The following FILIP1 variants were observed in gnomAD, a reference collection of about 807,000 sequenced individuals.
FILIP1 encodes the protein filamin A interacting protein 1.
FILIP1 carries 61 observed loss-of-function variants against 102.1 expected under a neutral mutation model. The observed-to-expected ratio is 0.60, with a 90% confidence interval of 0.49 to 0.74. The LOEUF (loss-of-function observed/expected upper bound fraction) is 0.74, where lower values mean the gene tolerates loss of function less well. Ranked by LOEUF, FILIP1 falls within the 30% of genes least tolerant of loss-of-function variation. The pLI is 0.00. For missense variants in FILIP1, 1,314 were observed against 1,441.2 expected (o/e 0.91, Z 1.43); for synonymous variants, 491 against 526.9 (o/e 0.93, Z 0.93).
chr6:75,460,546 CA>C (rs1216688193), intron 1 of FILIP1, among the ~76,000 whole-genome samples: 5 of 151,988 alleles, frequency 3.3e-5, no homozygotes, highest in African/African-American at 1.2e-4. Flanking sequence ...AATTATTTTA[CA>C]AAGTAGATAT....
At chr6:75,413,676 A>T (rs1777153958) in intron 2 of FILIP1, among the ~76,000 whole-genome samples, 1 of 151,946 alleles carries the variant, frequency 6.6e-6, no homozygotes, top group East Asian at 1.9e-4. Flanking sequence ...TAAAGTAATT[A>T]TTTTTGCACC....
At chr6:75,465,980 C>T (rs974278486) in intron 1 of FILIP1, among the ~76,000 whole-genome samples, 3 of 152,118 alleles carry the variant, frequency 2.0e-5, no homozygotes, top group Admixed American at 6.6e-5. Flanking sequence ...CGCTGTTCCT[C>T]GAACTGCCAA....
At chr6:75,464,408 GA>G (rs1779108927) in intron 1 of FILIP1, among the ~76,000 whole-genome samples, 2 of 152,310 alleles carry the variant, frequency 1.3e-5, no homozygotes, top group South Asian at 4.1e-4. Context: ...AGTGCTTTGT[GA>G]AAATCACAGA....
chr6:75,322,311 G>T (rs560445944), intron 4 of FILIP1, among the ~76,000 whole-genome samples: 1 of 151,868 alleles, frequency 6.6e-6, no homozygotes, highest in African/African-American at 2.4e-5. Context: ...GTGTAATTAT[G>T]CTATTTAAGA....
chr6:75,295,049 T>G (rs1488906572), exon 7 of FILIP1: 8 of 151,944 alleles, frequency 5.3e-5, no homozygotes, highest in Non-Finnish European at 1.5e-5. Flanking sequence ...TGTTTTTATA[T>G]TCAAGTTTTG....
intron 3 of FILIP1, 38 bp downstream of exon 3, chr6:75,362,706 G>T: frequency 1.3e-6 from 2 of 1,590,328 alleles, no homozygotes; most frequent in Non-Finnish European, 1.7e-6. Flanking sequence ...TCTCCCTGAG[G>T]TTCCCATCCA....
chr6:75,338,690 T>A (rs1009517344), intron 4 of FILIP1, among the ~76,000 whole-genome samples: 2 of 152,254 alleles, frequency 1.3e-5, no homozygotes, highest in African/African-American at 2.4e-5. Context: ...TTATTTATTG[T>A]GATGACAAAT....
At chr6:75,311,786 C>T (rs113289134) in intron 5 of FILIP1, among the ~76,000 whole-genome samples, 3,871 of 152,286 alleles carry the variant, frequency 0.025, 186 homozygotes, top group African/African-American at 0.088. Context: ...CATGAGCCAC[C>T]GCACCCAGCC....
At chr6:75,326,597 C>T (rs1773872720) in intron 4 of FILIP1, among the ~76,000 whole-genome samples, 1 of 152,122 alleles carries the variant, frequency 6.6e-6, no homozygotes, top group Admixed American at 6.5e-5. Context: ...GGAAAGGTCT[C>T]CTAGGTAGTG....
At chr6:75,358,092 A>C (rs1461505115) in intron 3 of FILIP1, among the ~76,000 whole-genome samples, 2 of 152,228 alleles carry the variant, frequency 1.3e-5, no homozygotes, top group African/African-American at 4.8e-5. Context: ...AAATTTACTA[A>C]GGAAAGAGTG....
chr6:75,445,657 CACATCATAGCCA>C lies in FILIP1; in HGVS notation c.-6-30691_-6-30680del, dbSNP rs543787073. 5.9e-3 allele frequency among the ~76,000 whole-genome samples: 900 copies of C among 151,954 alleles called. 9 individuals carry two copies. Among genetic ancestry groups the C allele is most frequent in the African/African-American group, 0.021 (854 of 41,442 alleles). On this transcript the variant is annotated intron_variant, in intron 1 of 5. Coordinates refer to ENST00000237172, the MANE Select transcript of FILIP1 (RefSeq NM_015687.5). ...ACTCCCAGCACCTACTACATCCTAG[CACATCATAGCCA>C]ACACAATATCTACTAAATATTGAAT... is the stretch of plus-strand genomic sequence containing the variant.
intron 2 of FILIP1, among the ~76,000 whole-genome samples, chr6:75,413,720 G>A (rs1000669853): frequency 1.1e-4 from 17 of 150,120 alleles, no homozygotes; most frequent in African/African-American, 4.2e-4. Context: ...GCTCATGCAA[G>A]CTAAGAAACT....
At chr6:75,396,966 G>A (rs1273354852) in intron 2 of FILIP1, among the ~76,000 whole-genome samples, 3 of 136,886 alleles carry the variant, frequency 2.2e-5, no homozygotes, top group Non-Finnish European at 3.0e-5. Context: ...ATTGAGCAAC[G>A]AAAACACATG....
intron 4 of FILIP1, among the ~76,000 whole-genome samples, chr6:75,346,374 G>A (rs1172697505): frequency 6.6e-6 from 1 of 152,172 alleles, no homozygotes. Context: ...ATCAGAGGCT[G>A]TTAGCTCATT....
In FILIP1 at chr6:75,313,908, G is replaced by A. The variant is rs747355259; in HGVS notation, c.1924C>T (p.Arg642Cys). ...TCGACCACTTCCAATTGTTGGAGACGTTTCTTCAGTCTCTCAATTTCAAGT... is the reference window on the plus strand; with the variant it reads ...TCGACCACTTCCAATTGTTGGAGACATTTCTTCAGTCTCTCAATTTCAAGT... ...LTLEIERLKK[R>C]LQQLEVVEGD... The change falls in exon 5 of 6, where the codon CGT becomes TGT. Residue 642 changes from arginine to cysteine, a missense_variant. Transcript: ENST00000237172. The surrounding 1 kb of genome is among the most constrained non-coding windows in gnomAD (Gnocchi z 4.2). 8.7e-6 allele frequency: 14 copies of A among 1,613,590 alleles called. No individual in the cohort carries two copies. The highest frequency in any genetic ancestry group is 2.2e-5 in the East Asian group (1 of 44,888).
intron 1 of FILIP1, among the ~76,000 whole-genome samples, chr6:75,464,405 T>C (rs939493739): frequency 6.6e-6 from 1 of 152,256 alleles, no homozygotes; most frequent in Non-Finnish European, 1.5e-5. Flanking sequence ...TCAAGTGCTT[T>C]GTGAAAATCA....
intron 2 of FILIP1, among the ~76,000 whole-genome samples, chr6:75,369,698 G>C (rs2149622497): frequency 6.6e-6 from 1 of 152,316 alleles, no homozygotes; most frequent in East Asian, 1.9e-4. Context: ...GGAGCTTGGA[G>C]ATAAACATGG....
At chr6:75,491,675 A>T (rs1051574138) in intron 1 of FILIP1, among the ~76,000 whole-genome samples, 24 of 152,208 alleles carry the variant, frequency 1.6e-4, no homozygotes, top group African/African-American at 7.2e-5. Flanking sequence ...TTGAGTGAAT[A>T]GGAGAACAGA....
intron 1 of FILIP1, among the ~76,000 whole-genome samples, chr6:75,481,092 C>T (rs1388174429): frequency 1.3e-5 from 2 of 152,156 alleles, no homozygotes; most frequent in Non-Finnish European, 2.9e-5. Context: ...CAGCGAGAGT[C>T]ACTTTATACT....
Sources: gnomAD v4.1 joint callset for allele counts (sites outside exome capture counted in the v4.1 genomes callset) on GRCh38, gnomAD v4.1.1 for gene constraint, Gnocchi (gnomAD v3.1) non-coding constraint, MANE v1.5 for transcripts, NCBI Gene and HGNC (gene_info 2026-07-23, HGNC 2026-07-21) for gene names.